Variants in MARCHF10 observed in about 807,000 individuals in gnomAD.
The protein encoded by MARCHF10 is probable E3 ubiquitin-protein ligase MARCHF10.
MARCHF10 carries 64 observed loss-of-function variants against 76.2 expected under a neutral mutation model. That is an observed-to-expected ratio of 0.84 (90% CI 0.69 to 1.03). The LOEUF (loss-of-function observed/expected upper bound fraction) is 1.03, where lower values mean the gene tolerates loss of function less well. MARCHF10 is among the 50% of genes least tolerant of loss of function. The pLI, the probability that MARCHF10 is intolerant of heterozygous loss-of-function variation, is 0.00. For synonymous variants in MARCHF10, 340 were observed against 357.5 expected (o/e 0.95, Z 0.55); for missense variants, 875 against 958.0 (o/e 0.91, Z 1.14).
At chr17:62,751,307 A>G (rs966720668) in intron 4 of MARCHF10, among the ~76,000 whole-genome samples, 6 of 152,114 alleles carry the variant, frequency 3.9e-5, no homozygotes, top group Admixed American at 3.9e-4. Flanking sequence ...CTGCAAAACG[A>G]GACGGGTGTT....
intron 4 of MARCHF10, among the ~76,000 whole-genome samples, chr17:62,754,056 AT>A (rs1317568773): frequency 6.6e-6 from 1 of 152,064 alleles, no homozygotes; most frequent in Non-Finnish European, 1.5e-5. Context: ...ATTTTTAATA[AT>A]CAAATTATAA....
intron 1 of MARCHF10, among the ~76,000 whole-genome samples, chr17:62,803,503 G>T (rs2093112068): frequency 6.6e-6 from 1 of 151,914 alleles, no homozygotes; most frequent in Non-Finnish European, 1.5e-5. Flanking sequence ...TGGGGAGGGA[G>T]AGGGGATCAT....
At chr17:62,807,630 G>A (rs550737550) in intron 1 of MARCHF10, among the ~76,000 whole-genome samples, 3 of 152,250 alleles carry the variant, frequency 2.0e-5, no homozygotes, top group South Asian at 2.1e-4. Flanking sequence ...CAGACATGGT[G>A]TTGGCCTGTG....
At chr17:62,727,360 A>C (rs2090809856) in intron 6 of MARCHF10, among the ~76,000 whole-genome samples, 1 of 152,160 alleles carries the variant, frequency 6.6e-6, no homozygotes, top group Admixed American at 6.5e-5. Flanking sequence ...ATTACCCCAA[A>C]GTAACTGCTT....
rs113898666 is a variant in MARCHF10 at position 62,788,405 on chromosome 17, T to TCA, written c.210+73_210+74dup. The TCA allele has an allele frequency of 0.011, 16,565 of 1,518,886 alleles. 974 individuals carry two copies. The African/African-American group carries it at 0.18, about 17-fold the overall frequency. 94.1% of individuals were successfully genotyped at this position (1,518,886 alleles called of 1,614,324 possible). ...CTTTTTGAGTTGGCTTTTTCCTACA[T>TCA]CACACACACACACACACCACCACCA... is the stretch of plus-strand genomic sequence containing the variant. On this transcript the variant is annotated intron_variant, in intron 3 of 10. Transcript: ENST00000311269.
At chr17:62,782,485 C>G (rs1165518012) in intron 3 of MARCHF10, among the ~76,000 whole-genome samples, 2 of 151,356 alleles carry the variant, frequency 1.3e-5, no homozygotes, top group Non-Finnish European at 1.5e-5. Flanking sequence ...GTAGCTGGGA[C>G]TACAGGCGCA....
In MARCHF10 at chr17:62,707,045, C is replaced by G. The variant is rs1169245666; in HGVS notation, c.2329-1464G>C. Among the ~76,000 whole-genome samples the G allele has an allele frequency of 3.9e-5, 6 of 152,190 alleles. No homozygotes were observed. In the South Asian group the frequency reaches 1.0e-3, roughly 26 times the overall value. Reference sequence around the variant, plus strand: ...GCATCCAGTGCTTCCGCCAGCCTGTCCCTCACCCCAGACCCAGCCCTGTCC... The same window carrying G: ...GCATCCAGTGCTTCCGCCAGCCTGTGCCTCACCCCAGACCCAGCCCTGTCC... On this transcript the variant is annotated intron_variant, in intron 9 of 10. Transcript: ENST00000311269.
intron 4 of MARCHF10, among the ~76,000 whole-genome samples, chr17:62,753,716 G>C (rs1367764396): frequency 6.6e-6 from 1 of 152,092 alleles, no homozygotes; most frequent in Non-Finnish European, 1.5e-5. Flanking sequence ...TGTCCTTCAG[G>C]ATTTTCACTC....
chr17:62,726,390 T>A (rs1301922127), intron 6 of MARCHF10, among the ~76,000 whole-genome samples: 1 of 152,232 alleles, frequency 6.6e-6, no homozygotes, highest in Non-Finnish European at 1.5e-5. Flanking sequence ...TTTTTCCCCA[T>A]GAAAGGGCAG....
chr17:62,748,168 T>G (rs1318671531), intron 4 of MARCHF10, among the ~76,000 whole-genome samples: 1 of 151,908 alleles, frequency 6.6e-6, no homozygotes, highest in African/African-American at 2.4e-5. Context: ...GAGGCCAAGG[T>G]GGGTGGATCA....
At chr17:62,796,331 C>A (rs1242388190) in intron 2 of MARCHF10, among the ~76,000 whole-genome samples, 1 of 152,182 alleles carries the variant, frequency 6.6e-6, no homozygotes, top group Non-Finnish European at 1.5e-5. Context: ...ACTTTAAATT[C>A]TTTCTGGAAC....
At chr17:62,751,934 C>T (rs1473395251) in intron 4 of MARCHF10, among the ~76,000 whole-genome samples, 2 of 151,776 alleles carry the variant, frequency 1.3e-5, no homozygotes, top group Non-Finnish European at 2.9e-5. Context: ...GCAGGAGAAT[C>T]GCTTGAACCT....
chr17:62,788,474 T>G lies in MARCHF10; in HGVS notation c.210+6A>C. ...CCAGGAGACTGTCTCCCAGAATTCT[T>G]CATACCTGTTTGGAAGATGACCTGC... On this transcript the variant is annotated splice_donor_region_variant and intron_variant, in intron 3 of 10. Transcript: ENST00000311269. 1 of 1,613,982 alleles carries G rather than the reference T, an allele frequency of 6.2e-7. No homozygotes were observed. Among genetic ancestry groups the G allele is most frequent in the Non-Finnish European group, 8.5e-7 (1 of 1,179,990 alleles).
At chr17:62,769,700 C>A (rs1212292469) in intron 3 of MARCHF10, among the ~76,000 whole-genome samples, 1 of 152,198 alleles carries the variant, frequency 6.6e-6, no homozygotes, top group Non-Finnish European at 1.5e-5. Context: ...AGGCGTCAGC[C>A]ACCACGCCCA....
At chr17:62,757,980 T>C (rs1234114291) in intron 4 of MARCHF10, among the ~76,000 whole-genome samples, 2 of 152,190 alleles carry the variant, frequency 1.3e-5, no homozygotes, top group East Asian at 3.8e-4. Context: ...ACTAAAGCAT[T>C]GGGTGGATCT....
chr17:62,786,843 C>G (rs996333598), intron 3 of MARCHF10, among the ~76,000 whole-genome samples: 7 of 152,170 alleles, frequency 4.6e-5, no homozygotes, highest in Non-Finnish European at 1.0e-4. Context: ...TGACTGTGCA[C>G]GTGAGCCTCT....
chr17:62,719,843 C>T (rs560072943), intron 8 of MARCHF10, among the ~76,000 whole-genome samples: 1 of 152,052 alleles, frequency 6.6e-6, no homozygotes, highest in Non-Finnish European at 1.5e-5. Context: ...TCTTGGATAT[C>T]CTGCTCTGTT....
intron 10 of MARCHF10, chr17:62,704,946 G>GTGTTTTTTT: frequency 1.6e-5 from 13 of 837,070 alleles, no homozygotes; most frequent in African/African-American, 1.9e-5. Flanking sequence ...TTCTCCAGTC[G>GTGTTTTTTT]TTTTTTTTTT....
intron 3 of MARCHF10, 75 bp downstream of exon 3, chr17:62,788,405 T>A: frequency 6.6e-7 from 1 of 1,521,862 alleles, no homozygotes. Flanking sequence ...TTTTCCTACA[T>A]CACACACACA....
Sources: gnomAD v4.1 joint callset for allele counts (sites outside exome capture counted in the v4.1 genomes callset) on GRCh38, gnomAD v4.1.1 for gene constraint, MANE v1.5 for transcripts, NCBI Gene and HGNC (gene_info 2026-07-23, HGNC 2026-07-21) for gene names.